The following SLC60A1 variants were observed in gnomAD, a reference collection of about 807,000 sequenced individuals.
SLC60A1 encodes the protein solute carrier family 60 member 1.
chr1:205,570,159 T>C, the SLC60A1 span, among the ~76,000 whole-genome samples: 1 of 152,160 alleles, frequency 6.6e-6, no homozygotes, highest in Non-Finnish European at 1.5e-5. Context: ...TTGCAGAGCC[T>C]TATTCTCTCG....
chr1:205,584,873 C>T, the SLC60A1 span: 3 of 1,613,294 alleles, frequency 1.9e-6, no homozygotes, highest in South Asian at 2.2e-5. Flanking sequence ...GTGCCTCCTG[C>T]AGGGCATGAG....
the SLC60A1 span, among the ~76,000 whole-genome samples, chr1:205,587,458 G>A: frequency 6.6e-6 from 1 of 152,268 alleles, no homozygotes; most frequent in South Asian, 2.1e-4. Flanking sequence ...TCAGTTCAAT[G>A]TAGATGGGAG....
the SLC60A1 span, chr1:205,579,817 C>T: frequency 9.3e-6 from 15 of 1,614,074 alleles, no homozygotes; most frequent in Non-Finnish European, 1.3e-5. Flanking sequence ...TTGCCGTCAT[C>T]CCCTTCTGCC....
At chr1:205,592,111 C>T in the SLC60A1 span, 1 of 1,612,834 alleles carries the variant, frequency 6.2e-7, no homozygotes, top group South Asian at 1.1e-5. Context: ...TTTCGCAATT[C>T]CTAACCGCCT....
chr1:205,580,207 C>T, the SLC60A1 span, among the ~76,000 whole-genome samples: 2 of 151,946 alleles, frequency 1.3e-5, no homozygotes, highest in Non-Finnish European at 2.9e-5. The surrounding 1 kb of genome is among the most constrained non-coding windows in gnomAD (Gnocchi z 5.0). Context: ...CTTGCCTCCC[C>T]TCTCCTTCCC....
At chr1:205,600,492 C>T in the SLC60A1 span, 1 of 1,608,840 alleles carries the variant, frequency 6.2e-7, no homozygotes, top group Non-Finnish European at 8.5e-7. Context: ...AGAAGACTTT[C>T]AGCCTCTTGA....
At chr1:205,594,325 G>A in the SLC60A1 span, among the ~76,000 whole-genome samples, 2 of 152,170 alleles carry the variant, frequency 1.3e-5, no homozygotes, top group Middle Eastern at 3.2e-3. Context: ...AGTACAACTC[G>A]AGAGTTTTAA....
chr1:205,591,873 G>T, the SLC60A1 span, among the ~76,000 whole-genome samples: 1 of 152,344 alleles, frequency 6.6e-6, no homozygotes, highest in Middle Eastern at 3.4e-3. Context: ...TGCTTACGCA[G>T]CGTGTACCGT....
chr1:205,584,077 G>A, the SLC60A1 span: 5 of 1,614,086 alleles, frequency 3.1e-6, no homozygotes, highest in Non-Finnish European at 4.2e-6. Flanking sequence ...AGCCTCCTGA[G>A]AAGGAAGATG....
the SLC60A1 span, among the ~76,000 whole-genome samples, chr1:205,582,507 A>G: frequency 6.6e-6 from 1 of 152,190 alleles, no homozygotes; most frequent in Non-Finnish European, 1.5e-5. Context: ...TGTTCCTGCC[A>G]GCAATGCCAG....
At chr1:205,571,332 C>A in the SLC60A1 span, among the ~76,000 whole-genome samples, 11 of 152,154 alleles carry the variant, frequency 7.2e-5, no homozygotes, top group Non-Finnish European at 1.3e-4. Context: ...TTAGGCAATC[C>A]CTCTTGCTTT....
chr1:205,586,308 A>G, the SLC60A1 span: 2 of 1,387,534 alleles, frequency 1.4e-6, no homozygotes, highest in Non-Finnish European at 2.0e-6. Context: ...ACATTCTGCC[A>G]GCAGGATGGG....
the SLC60A1 span, chr1:205,597,540 C>A: frequency 2.6e-6 from 1 of 377,712 alleles, no homozygotes; most frequent in Non-Finnish European, 5.0e-6. Context: ...AGGTGCACAC[C>A]ACCATGCCCA....
At chr1:205,587,026 G>A in the SLC60A1 span, among the ~76,000 whole-genome samples, 1 of 152,112 alleles carries the variant, frequency 6.6e-6, no homozygotes, top group Non-Finnish European at 1.5e-5. Context: ...GGCAGGACAT[G>A]GAGGATGACC....
At chr1:205,584,218 A>ATTT in the SLC60A1 span, 19,318 of 788,018 alleles carry the variant, frequency 0.025, 93 homozygotes, top group African/African-American at 0.04. Flanking sequence ...ATCACAGGTG[A>ATTT]TTTTTTTTTT....
At chr1:205,580,242 C>T in the SLC60A1 span, among the ~76,000 whole-genome samples, 9 of 152,236 alleles carry the variant, frequency 5.9e-5, no homozygotes, top group African/African-American at 2.2e-4. This position sits in a 1 kb window ranked among gnomAD's most constrained non-coding sequence, Gnocchi z 5.0. Flanking sequence ...CTCCTTTCTT[C>T]GTCTTTCTCC....
the SLC60A1 span, among the ~76,000 whole-genome samples, chr1:205,593,155 G>A: frequency 6.6e-6 from 1 of 151,954 alleles, no homozygotes; most frequent in African/African-American, 2.4e-5. Flanking sequence ...ACGCACTAGA[G>A]GCTGGAAAAC....
At chr1:205,576,752 G>A in the SLC60A1 span, among the ~76,000 whole-genome samples, 1 of 152,194 alleles carries the variant, frequency 6.6e-6, no homozygotes, top group Admixed American at 6.5e-5. Flanking sequence ...TGTTCAGGCT[G>A]ATGTTTGGAA....
At chr1:205,596,148 A>G in the SLC60A1 span, among the ~76,000 whole-genome samples, 1 of 152,188 alleles carries the variant, frequency 6.6e-6, no homozygotes, top group Admixed American at 6.5e-5. Flanking sequence ...TTAAAAAAAA[A>G]TAGTGTCTAC....
Sources: allele counts gnomAD v4.1 joint callset (sites outside exome capture counted in the v4.1 genomes callset), GRCh38; gene constraint gnomAD v4.1.1; non-coding constraint Gnocchi (gnomAD v3.1); transcripts MANE v1.5; gene names NCBI Gene and HGNC (gene_info 2026-07-23, HGNC 2026-07-21).